The following TMEM267 variants were observed in gnomAD, a reference collection of about 807,000 sequenced individuals.
TMEM267 encodes the protein transmembrane protein 267.
Under a neutral mutation model 19.3 loss-of-function variants are expected in TMEM267, and 20 were observed. The ratio of observed to expected loss-of-function variants is 1.04; its 90% confidence interval spans 0.73 to 1.51. The LOEUF (loss-of-function observed/expected upper bound fraction) is 1.51, where lower values mean the gene tolerates loss of function less well. Ranked by LOEUF, TMEM267 falls within the 40% of genes most tolerant of loss-of-function variation. TMEM267 has a pLI of 0.00. For missense variants in TMEM267, 242 were observed against 261.9 expected (o/e 0.92, Z 0.52); for synonymous variants, 88 against 90.3 (o/e 0.97, Z 0.15).
At chr5:43,465,149 T>C (rs1220841387) in intron 1 of TMEM267, among the ~76,000 whole-genome samples, 3 of 152,148 alleles carry the variant, frequency 2.0e-5, no homozygotes, top group Admixed American at 6.5e-5. Flanking sequence ...GGGCAAAGGA[T>C]ATGAACAGAC....
chr5:43,450,097 T>C (rs1183492134), intron 2 of TMEM267, among the ~76,000 whole-genome samples: 1 of 151,826 alleles, frequency 6.6e-6, no homozygotes, highest in East Asian at 1.9e-4. Context: ...TGGGCTCAAG[T>C]GATCCTCTTG....
At chr5:43,481,714 C>T (rs1744781988) in intron 1 of TMEM267, among the ~76,000 whole-genome samples, 1 of 152,108 alleles carries the variant, frequency 6.6e-6, no homozygotes, top group Non-Finnish European at 1.5e-5. Flanking sequence ...CCTTCAGCCC[C>T]AGTCAACCCT....
intron 1 of TMEM267, among the ~76,000 whole-genome samples, chr5:43,460,947 C>G (rs1267394848): frequency 6.6e-6 from 1 of 152,194 alleles, no homozygotes; most frequent in Non-Finnish European, 1.5e-5. Flanking sequence ...GGCCCAGAGA[C>G]AGTGGACTGC....
At chr5:43,460,686 AG>A (rs1464943753) in intron 1 of TMEM267, among the ~76,000 whole-genome samples, 1 of 152,204 alleles carries the variant, frequency 6.6e-6, no homozygotes, top group African/African-American at 2.4e-5. Context: ...AGCAGTTTTG[AG>A]GCACTGAACT....
At chr5:43,458,264 C>T (rs1338657686) in intron 1 of TMEM267, among the ~76,000 whole-genome samples, 2 of 152,034 alleles carry the variant, frequency 1.3e-5, no homozygotes, top group East Asian at 1.9e-4. Context: ...CCATGCCTGG[C>T]TAATTTTTAA....
At chr5:43,455,759 G>T (rs1247354209) in intron 1 of TMEM267, among the ~76,000 whole-genome samples, 1 of 152,080 alleles carries the variant, frequency 6.6e-6, no homozygotes, top group East Asian at 1.9e-4. Flanking sequence ...CACCATGTTG[G>T]CCAGGCTGGT....
chr5:43,448,067 GA>G (rs1217917916), intron 2 of TMEM267, among the ~76,000 whole-genome samples: 2 of 152,112 alleles, frequency 1.3e-5, no homozygotes. Flanking sequence ...CCGACCACAT[GA>G]AAAAAAGTTA....
chr5:43,477,990 TTACGATGGGTTTA>T (rs1744528633), intron 1 of TMEM267, among the ~76,000 whole-genome samples: 1 of 152,212 alleles, frequency 6.6e-6, no homozygotes, highest in Admixed American at 6.5e-5. Flanking sequence ...AATTTTTGAC[TTACGATGGGTTTA>T]TCAGGACATG....
chr5:43,468,751 A>G (rs946317649), intron 1 of TMEM267, among the ~76,000 whole-genome samples: 6 of 152,212 alleles, frequency 3.9e-5, no homozygotes, highest in Non-Finnish European at 5.9e-5. Context: ...ATATTTACAG[A>G]ACATTTCATC....
chr5:43,468,778 T>C (rs964035932), intron 1 of TMEM267, among the ~76,000 whole-genome samples: 1 of 152,226 alleles, frequency 6.6e-6, no homozygotes. Flanking sequence ...CTGCAGAATA[T>C]ACATTCTTTT....
chr5:43,474,714 A>G (rs193258062), intron 1 of TMEM267, among the ~76,000 whole-genome samples: 227 of 149,300 alleles, frequency 1.5e-3, no homozygotes, highest in African/African-American at 5.4e-3. Flanking sequence ...AGCCAAGATC[A>G]CGCCATTGCA....
At chr5:43,467,599 C>T (rs985763452) in intron 1 of TMEM267, among the ~76,000 whole-genome samples, 1 of 152,116 alleles carries the variant, frequency 6.6e-6, no homozygotes, top group Non-Finnish European at 1.5e-5. Context: ...ATTATTAGAG[C>T]TAAAGAGAGA....
At chr5:43,448,401 G>A (rs1041671632) in intron 2 of TMEM267, among the ~76,000 whole-genome samples, 1 of 152,116 alleles carries the variant, frequency 6.6e-6, no homozygotes, top group African/African-American at 2.4e-5. Flanking sequence ...TTAGAATAAA[G>A]AATCATGTAA....
chr5:43,457,269 G>A (rs1274005270), intron 1 of TMEM267, among the ~76,000 whole-genome samples: 1 of 152,022 alleles, frequency 6.6e-6, no homozygotes, highest in Admixed American at 6.6e-5. Context: ...ATGTATGCAG[G>A]GCAAAGGGCA....
chr5:43,466,059 A>G (rs1409232907), intron 1 of TMEM267, among the ~76,000 whole-genome samples: 1 of 152,126 alleles, frequency 6.6e-6, no homozygotes, highest in African/African-American at 2.4e-5. Context: ...TAAAGATGAG[A>G]CAGAGGAAGA....
chr5:43,469,721 A>AAAT (rs1172195437), intron 1 of TMEM267, among the ~76,000 whole-genome samples: 1 of 152,212 alleles, frequency 6.6e-6, no homozygotes, highest in African/African-American at 2.4e-5. Context: ...TAAACTTGGG[A>AAAT]ACTATGTCAG....
At chr5:43,455,571 G>A (rs191815656) in intron 1 of TMEM267, among the ~76,000 whole-genome samples, 45 of 152,122 alleles carry the variant, frequency 3.0e-4, no homozygotes, top group Non-Finnish European at 4.1e-4. Flanking sequence ...TTTTTGAGAT[G>A]GAGTCTCACT....
intron 2 of TMEM267, among the ~76,000 whole-genome samples, chr5:43,448,078 A>C (rs1742362811): frequency 6.6e-6 from 1 of 152,190 alleles, no homozygotes. Context: ...AAAAAAAGTT[A>C]CCTATTAAAG....
chr5:43,469,960 G>A (rs1054965745), intron 1 of TMEM267, among the ~76,000 whole-genome samples: 3 of 152,152 alleles, frequency 2.0e-5, no homozygotes, highest in Non-Finnish European at 4.4e-5. Context: ...ATATCTGATT[G>A]CTTCCTTTGC....
Sources: gnomAD v4.1 joint callset for allele counts (sites outside exome capture counted in the v4.1 genomes callset) on GRCh38, gnomAD v4.1.1 for gene constraint, MANE v1.5 for transcripts, NCBI Gene and HGNC (gene_info 2026-07-23, HGNC 2026-07-21) for gene names.